EFCAB6: variants seen among roughly 807,000 people sequenced by gnomAD.
The protein encoded by EFCAB6 is EF-hand calcium binding domain 6, also known as EF-hand calcium-binding domain-containing protein 6.
In EFCAB6, 156 loss-of-function variants were observed where a neutral mutation model predicts 169.8. The observed-to-expected ratio is 0.92, with a 90% CI of 0.81 to 1.05. The LOEUF (loss-of-function observed/expected upper bound fraction) is 1.05, where lower values mean the gene tolerates loss of function less well. EFCAB6 is among the 50% of genes least tolerant of loss of function. The probability of loss-of-function intolerance (pLI) is 0.00; values close to 1 mark genes in which losing one functional copy is unlikely to be tolerated. For synonymous variants in EFCAB6, 698 were observed against 676.4 expected (o/e 1.03, Z -0.50); for missense variants, 1,800 against 1,829.1 (o/e 0.98, Z 0.29).
intron 10 of EFCAB6, among the ~76,000 whole-genome samples, chr22:43,693,088 A>G (rs1603232093): frequency 6.6e-6 from 1 of 152,146 alleles, no homozygotes; most frequent in Non-Finnish European, 1.5e-5. Flanking sequence ...ACAATGTCAT[A>G]AAGTGCCAAA....
intron 8 of EFCAB6, among the ~76,000 whole-genome samples, chr22:43,725,236 G>A (rs1031377800): frequency 4.0e-5 from 6 of 151,330 alleles, no homozygotes; most frequent in African/African-American, 1.5e-4. Flanking sequence ...CCGCCTACCG[G>A]GTTCAAGCAA....
At chr22:43,791,880 A>G (rs970406209) in intron 2 of EFCAB6, among the ~76,000 whole-genome samples, 1 of 152,220 alleles carries the variant, frequency 6.6e-6, no homozygotes, top group African/African-American at 2.4e-5. Context: ...AATCAGCAGC[A>G]TGTCTGAACA....
Position 43,761,776 on chromosome 22 carries a change from T to C in EFCAB6, c.440+3529A>G, listed in dbSNP as rs1037433195. On this transcript the variant is annotated intron_variant, in intron 5 of 31. Coordinates refer to ENST00000262726, the MANE Select transcript of EFCAB6 (RefSeq NM_022785.4). Reference sequence around the variant, plus strand: ...ATTGGATATGACATCTATTGGTTTGTAGTCCTCCTTCTTTGATAGTTTCAT... The same window carrying C: ...ATTGGATATGACATCTATTGGTTTGCAGTCCTCCTTCTTTGATAGTTTCAT... Among the ~76,000 whole-genome samples the C allele has an allele frequency of 6.6e-5, 10 of 152,188 alleles. No individual in the cohort carries two copies. The South Asian group carries it at 1.0e-3, about 16-fold the overall frequency.
At chr22:43,680,575 G>A (rs5763964) in intron 12 of EFCAB6, among the ~76,000 whole-genome samples, 12,019 of 151,598 alleles carry the variant, frequency 0.079, 656 homozygotes, top group South Asian at 0.2. Flanking sequence ...TATTGTCTCC[G>A]ATCTATAAAT....
chr22:43,752,590 G>T (rs1333566743), intron 6 of EFCAB6, among the ~76,000 whole-genome samples: 2 of 152,144 alleles, frequency 1.3e-5, no homozygotes, highest in African/African-American at 2.4e-5. Context: ...ATTGCTTTAG[G>T]TGTGGGGCAT....
intron 24 of EFCAB6, among the ~76,000 whole-genome samples, chr22:43,585,704 T>A (rs888497603): frequency 1.6e-4 from 24 of 152,060 alleles, no homozygotes; most frequent in African/African-American, 5.8e-4. Flanking sequence ...TACCTAAACA[T>A]ACTATATTCA....
At chr22:43,807,806 T>C (rs2062972640) in intron 2 of EFCAB6, among the ~76,000 whole-genome samples, 1 of 152,250 alleles carries the variant, frequency 6.6e-6, no homozygotes, top group East Asian at 1.9e-4. Flanking sequence ...TGGACTGTTA[T>C]ATTTTGGGAC....
At chr22:43,750,175 T>G (rs2060707046) in intron 6 of EFCAB6, among the ~76,000 whole-genome samples, 1 of 152,174 alleles carries the variant, frequency 6.6e-6, no homozygotes, top group African/African-American at 2.4e-5. Context: ...TTGCAGAATC[T>G]TTGCTGTAGT....
At position 43,668,872 on chromosome 22, in the gene EFCAB6, C is replaced by G; in HGVS notation, c.1814G>C (p.Arg605Thr). Residue 605 changes from arginine to threonine, a missense_variant and splice_region_variant, in exon 16 of 32, where the codon AGA becomes ACA. Coordinates refer to ENST00000262726, the MANE Select transcript of EFCAB6 (RefSeq NM_022785.4). ...GTGCATTCATTTTGCTTAATTTTAC[C>G]TCTCAGAAAGATCTGGCTGCTGCTG... Reference protein sequence around the residue: ...DEQQQPDLSERTKLTEDKTTL... With the variant: ...DEQQQPDLSETTKLTEDKTTL... 2 of 1,585,428 alleles carry G rather than the reference C, an allele frequency of 1.3e-6. No individual in the cohort carries two copies. Among genetic ancestry groups the G allele is most frequent in the Non-Finnish European group, 1.7e-6 (2 of 1,165,500 alleles).
chr22:43,666,094 C>T lies in EFCAB6; in HGVS notation c.1983+1010G>A, dbSNP rs1203301612. 3.3e-5 allele frequency among the ~76,000 whole-genome samples: 5 copies of T among 152,286 alleles called. No individual in the cohort carries two copies. The East Asian group carries it at 9.7e-4, about 29-fold the overall frequency. ...TGAGCTACCACACCTAGCCTATTCC[C>T]TTATGTCTTATGTCCTATCCCTCAT... On this transcript the variant is annotated intron_variant, in intron 17 of 31. Coordinates refer to ENST00000262726, the MANE Select transcript of EFCAB6 (RefSeq NM_022785.4).
chr22:43,649,830 T>C (rs947905167), intron 17 of EFCAB6, among the ~76,000 whole-genome samples: 2 of 152,098 alleles, frequency 1.3e-5, no homozygotes, highest in Non-Finnish European at 2.9e-5. Context: ...AATGAGCCAT[T>C]TGCTAATCTG....
chr22:43,706,807 A>C (rs2097648560), intron 10 of EFCAB6, among the ~76,000 whole-genome samples: 1 of 152,236 alleles, frequency 6.6e-6, no homozygotes, highest in African/African-American at 2.4e-5. Context: ...TGTTTACTAT[A>C]AAAGGCATTG....
At chr22:43,784,712 C>CATAT (rs2062013606) in intron 2 of EFCAB6, among the ~76,000 whole-genome samples, 1 of 131,594 alleles carries the variant, frequency 7.6e-6, no homozygotes, top group Admixed American at 7.8e-5. Flanking sequence ...CACACACACA[C>CATAT]ACACACATAT....
chr22:43,769,984 A>T (rs1219464540), intron 4 of EFCAB6, among the ~76,000 whole-genome samples: 3 of 151,862 alleles, frequency 2.0e-5, no homozygotes, highest in African/African-American at 7.3e-5. Flanking sequence ...CCTCCTGAGT[A>T]GCTGGGATTA....
At chr22:43,715,203 A>G (rs930753078) in intron 9 of EFCAB6, among the ~76,000 whole-genome samples, 3 of 152,178 alleles carry the variant, frequency 2.0e-5, no homozygotes, top group African/African-American at 7.2e-5. Context: ...CGGGAAGGAA[A>G]TGTTCATCCA....
In EFCAB6 at chr22:43,661,917, G is replaced by A. The variant is rs555752683; in HGVS notation, c.1983+5187C>T. ...GGATCACCTGAGGTCAGGAGTTCGC[G>A]ACCAGCCTGACCAATATGGTGAAAA... On this transcript the variant is annotated intron_variant, in intron 17 of 31. Coordinates refer to ENST00000262726, the MANE Select transcript of EFCAB6 (RefSeq NM_022785.4). Among the ~76,000 whole-genome samples the A allele has an allele frequency of 2.6e-5, 4 of 152,214 alleles. No homozygotes were observed. In the South Asian group the frequency reaches 6.2e-4, roughly 24 times the overall value.
At chr22:43,543,583 G>A (rs1048386290) in intron 27 of EFCAB6, among the ~76,000 whole-genome samples, 1 of 152,192 alleles carries the variant, frequency 6.6e-6, no homozygotes. Flanking sequence ...CTTGCAGAAT[G>A]GGCAGCGACC....
At chr22:43,725,786 T>C (rs1165135072) in intron 8 of EFCAB6, among the ~76,000 whole-genome samples, 3 of 152,188 alleles carry the variant, frequency 2.0e-5, no homozygotes, top group Non-Finnish European at 4.4e-5. Context: ...AGATTTAATA[T>C]TATATGCCCC....
chr22:43,613,306 C>T (rs1447954116), intron 21 of EFCAB6, among the ~76,000 whole-genome samples: 1 of 151,362 alleles, frequency 6.6e-6, no homozygotes, highest in Non-Finnish European at 1.5e-5. Flanking sequence ...AAGATACATG[C>T]ACGGGTATGT....
Sources: gnomAD v4.1 joint callset for allele counts (sites outside exome capture counted in the v4.1 genomes callset) on GRCh38, gnomAD v4.1.1 for gene constraint, MANE v1.5 for transcripts, NCBI Gene and HGNC (gene_info 2026-07-23, HGNC 2026-07-21) for gene names.